Variants in NELL1 observed in about 807,000 individuals in gnomAD.
NELL1 encodes protein kinase C-binding protein NELL1.
NELL1 carries 76 observed loss-of-function variants against 107.4 expected under a neutral mutation model. That is an observed-to-expected ratio of 0.71 (90% CI 0.59 to 0.86). NELL1 has a LOEUF of 0.86. Ranked by LOEUF, NELL1 falls within the 40% of genes least tolerant of loss-of-function variation. The probability of loss-of-function intolerance (pLI) is 0.00; values close to 1 mark genes in which losing one functional copy is unlikely to be tolerated. For missense variants in NELL1, 1,024 were observed against 1,005.5 expected (o/e 1.02, Z -0.25); for synonymous variants, 353 against 341.2 (o/e 1.03, Z -0.38).
intron 3 of NELL1, among the ~76,000 whole-genome samples, chr11:20,841,345 G>T (rs1171683485): frequency 6.9e-6 from 1 of 144,868 alleles, no homozygotes; most frequent in African/African-American, 2.6e-5. Context: ...TTTGGTGACA[G>T]CTACTCATGT....
chr11:21,564,786 G>A (rs1856931600), intron 17 of NELL1, among the ~76,000 whole-genome samples: 1 of 151,894 alleles, frequency 6.6e-6, no homozygotes, highest in South Asian at 2.1e-4. Flanking sequence ...AGTCAGGGAT[G>A]AATTACCGTG....
At chr11:20,884,357 T>G (rs887047631) in intron 4 of NELL1, among the ~76,000 whole-genome samples, 3 of 152,106 alleles carry the variant, frequency 2.0e-5, no homozygotes, top group African/African-American at 7.2e-5. Flanking sequence ...TGATGAGCTG[T>G]CCGTACCTCT....
intron 14 of NELL1, among the ~76,000 whole-genome samples, chr11:21,323,449 A>G (rs1850058921): frequency 6.6e-6 from 1 of 152,148 alleles, no homozygotes; most frequent in African/African-American, 2.4e-5. Flanking sequence ...TTCTGCTTCC[A>G]TTAGTGATGG....
intron 15 of NELL1, among the ~76,000 whole-genome samples, chr11:21,516,955 A>G (rs1855582100): frequency 6.6e-6 from 1 of 151,798 alleles, no homozygotes; most frequent in Admixed American, 6.6e-5. Context: ...ACACCAGGCT[A>G]ATTTTTGTAT....
At chr11:21,157,161 A>ATATATATGTGTG (rs372420048) in intron 13 of NELL1, among the ~76,000 whole-genome samples, 5 of 149,744 alleles carry the variant, frequency 3.3e-5, no homozygotes, top group Middle Eastern at 3.4e-3. Context: ...ATATATATAT[A>ATATATATGTGTG]TGTGTGTGTG....
intron 15 of NELL1, among the ~76,000 whole-genome samples, chr11:21,449,818 C>T (rs1853533623): frequency 6.6e-6 from 1 of 152,204 alleles, no homozygotes; most frequent in Non-Finnish European, 1.5e-5. Context: ...ACCAACCTTT[C>T]TCTATTGAAC....
chr11:20,908,737 A>T (rs1850060317), intron 5 of NELL1, among the ~76,000 whole-genome samples: 2 of 152,242 alleles, frequency 1.3e-5, no homozygotes, highest in Non-Finnish European at 2.9e-5. Context: ...TTAAAAAATA[A>T]AATCACGCAG....
intron 15 of NELL1, among the ~76,000 whole-genome samples, chr11:21,441,272 A>C (rs186134558): frequency 4.6e-5 from 7 of 150,996 alleles, no homozygotes; most frequent in African/African-American, 1.7e-4. Flanking sequence ...ATTTCTATTT[A>C]TAATATTTTT....
intron 13 of NELL1, among the ~76,000 whole-genome samples, chr11:21,207,698 C>G (rs1340538525): frequency 2.6e-5 from 4 of 152,062 alleles, no homozygotes; most frequent in African/African-American, 9.7e-5. Flanking sequence ...AAGACTAAGC[C>G]AACTATGCCA....
chr11:21,309,268 ATATATATATATG>A (rs1224373736), intron 14 of NELL1, among the ~76,000 whole-genome samples: 1 of 36,156 alleles, frequency 2.8e-5, no homozygotes, highest in Non-Finnish European at 5.5e-5. Context: ...ATGTATATAT[ATATATATATATG>A]TATATATATA....
chr11:21,263,363 C>T (rs998285691), intron 14 of NELL1, among the ~76,000 whole-genome samples: 4 of 151,898 alleles, frequency 2.6e-5, no homozygotes, highest in South Asian at 2.1e-4. Flanking sequence ...GGGGTAACGG[C>T]GAGCCATTCA....
chr11:21,449,300 CTT>C (rs1191484406), intron 15 of NELL1, among the ~76,000 whole-genome samples: 1 of 152,152 alleles, frequency 6.6e-6, no homozygotes, highest in Non-Finnish European at 1.5e-5. Context: ...GAAATCTACA[CTT>C]TTCTAATGGC....
At chr11:21,393,701 A>G (rs980691843) in intron 15 of NELL1, among the ~76,000 whole-genome samples, 2 of 151,676 alleles carry the variant, frequency 1.3e-5, no homozygotes, top group African/African-American at 4.8e-5. Context: ...AACTCATGAA[A>G]ATACTCTAAT....
At chr11:21,199,359 G>C (rs919373505) in intron 13 of NELL1, among the ~76,000 whole-genome samples, 9 of 152,124 alleles carry the variant, frequency 5.9e-5, no homozygotes, top group Non-Finnish European at 1.0e-4. Flanking sequence ...ATGTGGCTGG[G>C]AAAACCTAAT....
rs143608337 is a variant in NELL1 at position 21,235,766 on chromosome 11, A to G, written c.1549+6312A>G. Among the ~76,000 whole-genome samples, 272 of 152,324 alleles carry G rather than the reference A, an allele frequency of 1.8e-3. 1 individual carries two copies. The highest frequency in any genetic ancestry group is 6.3e-3 in the African/African-American group (261 of 41,588). ...ACACAGGGATACAAATTTTTAACAT[A>G]CAATGGTAAGAATTAGTTTGTCAAG... On this transcript the variant is annotated intron_variant, in intron 14 of 19. Coordinates refer to ENST00000357134, the MANE Select transcript of NELL1 (RefSeq NM_006157.5).
At chr11:20,684,460 G>T (rs1452733458) in intron 2 of NELL1, among the ~76,000 whole-genome samples, 1 of 151,924 alleles carries the variant, frequency 6.6e-6, no homozygotes, top group Non-Finnish European at 1.5e-5. Flanking sequence ...GTTTGACTGT[G>T]TAAAAAATCT....
At chr11:21,504,340 A>C in intron 15 of NELL1, 1 of 152,226 alleles carries the variant, frequency 6.6e-6, no homozygotes, top group Middle Eastern at 3.2e-3. Context: ...TCCTCACATT[A>C]GCACCATGCA....
chr11:20,927,514 T>A, intron 8 of NELL1, 72 bp downstream of exon 8: 1 of 1,415,668 alleles, frequency 7.1e-7, no homozygotes, highest in Non-Finnish European at 9.6e-7. Context: ...GAGTGTAACC[T>A]GGTTCTTTAA....
At chr11:21,325,119 C>CA (rs558363485) in intron 14 of NELL1, among the ~76,000 whole-genome samples, 22 of 152,092 alleles carry the variant, frequency 1.4e-4, no homozygotes, top group African/African-American at 4.6e-4. Context: ...TCTTAAAATA[C>CA]AAAAAAGTAC....
Sources: gnomAD v4.1 joint callset for allele counts (sites outside exome capture counted in the v4.1 genomes callset) on GRCh38, gnomAD v4.1.1 for gene constraint, MANE v1.5 for transcripts, NCBI Gene and HGNC (gene_info 2026-07-23, HGNC 2026-07-21) for gene names.